MCU: variants seen among roughly 807,000 people sequenced by gnomAD.
MCU encodes the protein mitochondrial calcium uniporter.
A neutral mutation model predicts 45.2 loss-of-function variants in MCU; 12 were observed. The ratio of observed to expected loss-of-function variants is 0.27; its 90% CI spans 0.17 to 0.43. The LOEUF (loss-of-function observed/expected upper bound fraction) is 0.43. Among genes scored for constraint, MCU ranks in the 20% least tolerant of loss-of-function variants. The probability of loss-of-function intolerance (pLI) is 1.00; values close to 1 mark genes in which losing one functional copy is unlikely to be tolerated. For missense variants in MCU, 324 were observed against 436.7 expected, an observed-to-expected ratio of 0.74 and a Z score of 2.30; for synonymous variants, 160 against 165.1, an observed-to-expected ratio of 0.97 and a Z score of 0.24.
intron 1 of MCU, among the ~76,000 whole-genome samples, chr10:72,808,038 A>G (rs1484564557): frequency 6.6e-6 from 1 of 152,234 alleles, no homozygotes; most frequent in Non-Finnish European, 1.5e-5. Flanking sequence ...TGGTAAATAG[A>G]TGATTTCTTT....
intron 1 of MCU, chr10:72,712,286 A>G (rs557349560): frequency 6.6e-6 from 1 of 152,332 alleles, no homozygotes; most frequent in East Asian, 1.9e-4. Flanking sequence ...CTCGTTTATC[A>G]TATTCCTGGG....
At chr10:72,869,751 A>T (rs370878899) in intron 5 of MCU, among the ~76,000 whole-genome samples, 48 of 152,302 alleles carry the variant, frequency 3.2e-4, no homozygotes, top group Admixed American at 6.5e-4. Context: ...TTATATGCAG[A>T]TACTATCCCA....
intron 2 of MCU, among the ~76,000 whole-genome samples, chr10:72,846,238 T>G (rs1444488239): frequency 6.6e-6 from 1 of 152,192 alleles, no homozygotes; most frequent in African/African-American, 2.4e-5. Context: ...AGACAGGGTT[T>G]CACCATGTTG....
At chr10:72,744,032 T>C (rs563597401) in intron 1 of MCU, among the ~76,000 whole-genome samples, 17 of 151,306 alleles carry the variant, frequency 1.1e-4, no homozygotes, top group Non-Finnish European at 2.1e-4. Flanking sequence ...TATGTATGTG[T>C]ATTTATATGT....
intron 1 of MCU, among the ~76,000 whole-genome samples, chr10:72,777,916 T>G (rs1843920247): frequency 6.6e-6 from 1 of 152,070 alleles, no homozygotes; most frequent in Admixed American, 6.5e-5. Flanking sequence ...AATGGCCAAA[T>G]AGGTGTGTGA....
At chr10:72,882,561 A>G (rs1027376280) in intron 6 of MCU, among the ~76,000 whole-genome samples, 25 of 152,168 alleles carry the variant, frequency 1.6e-4, no homozygotes, top group African/African-American at 6.0e-4. Context: ...CCGGTCTCCC[A>G]TAGCGCTCCC....
intron 1 of MCU, among the ~76,000 whole-genome samples, chr10:72,831,345 A>C (rs1844875908): frequency 1.3e-5 from 2 of 152,198 alleles, no homozygotes; most frequent in Non-Finnish European, 2.9e-5. Flanking sequence ...TAAGAGAAAT[A>C]ATCTAATAAA....
At chr10:72,714,895 G>A (rs375180692) in intron 1 of MCU, among the ~76,000 whole-genome samples, 4 of 152,078 alleles carry the variant, frequency 2.6e-5, no homozygotes, top group South Asian at 2.1e-4. Flanking sequence ...AGTTTCTTAC[G>A]GTCAATCTGG....
chr10:72,875,828 C>T (rs1196982639), intron 6 of MCU, among the ~76,000 whole-genome samples: 1 of 152,226 alleles, frequency 6.6e-6, no homozygotes, highest in Admixed American at 6.5e-5. Context: ...GGCAGTAAGA[C>T]TTGCCTGTGG....
intron 1 of MCU, among the ~76,000 whole-genome samples, chr10:72,693,261 G>T (rs1197182548): frequency 1.3e-5 from 2 of 151,984 alleles, no homozygotes; most frequent in Admixed American, 1.3e-4. Context: ...GATGAATTTG[G>T]CATGGAGTTC....
At chr10:72,718,349 G>C (rs1293152319) in intron 1 of MCU, among the ~76,000 whole-genome samples, 1 of 152,148 alleles carries the variant, frequency 6.6e-6, no homozygotes, top group Non-Finnish European at 1.5e-5. Context: ...TTTCAGAAAG[G>C]ACAAGATGGA....
intron 1 of MCU, among the ~76,000 whole-genome samples, chr10:72,761,942 T>C (rs1843662452): frequency 6.6e-6 from 1 of 152,152 alleles, no homozygotes; most frequent in Non-Finnish European, 1.5e-5. Flanking sequence ...TAGGAACGTA[T>C]TTTTAGTTCT....
intron 2 of MCU, among the ~76,000 whole-genome samples, chr10:72,848,483 C>G (rs1845155918): frequency 6.6e-6 from 1 of 151,886 alleles, no homozygotes; most frequent in South Asian, 2.1e-4. Flanking sequence ...GAATCCACTC[C>G]CCCAGTAACT....
rs990556064 is a variant in MCU at position 72,792,734 on chromosome 10, G to T, written c.151-41625G>T. Among the ~76,000 whole-genome samples, 67 of 118,934 alleles carry T rather than the reference G, an allele frequency of 5.6e-4. 1 individual carries two copies. The highest frequency in any genetic ancestry group is 8.5e-4 in the Non-Finnish European group (52 of 61,094). The allele number at this position is 118,934 out of a possible 152,430, so 78.0% of individuals were successfully genotyped here. ...ACCCCCACCCACTCTCCCCAAAAGG[G>T]GCTGCTTGCTTCATCTTAAATAATG... is the stretch of plus-strand genomic sequence containing the variant. On this transcript the variant is annotated intron_variant, in intron 1 of 7. Transcript: ENST00000373053.
intron 1 of MCU, among the ~76,000 whole-genome samples, chr10:72,825,828 T>G (rs1305791760): frequency 6.6e-6 from 1 of 152,148 alleles, no homozygotes; most frequent in Non-Finnish European, 1.5e-5. Flanking sequence ...ACTTTCAGAG[T>G]TGGAAGGGCC....
intron 1 of MCU, among the ~76,000 whole-genome samples, chr10:72,748,052 CT>C (rs537441082): frequency 9.9e-4 from 143 of 144,688 alleles, no homozygotes; most frequent in Middle Eastern, 7.0e-3. Flanking sequence ...CGACAACCAT[CT>C]TTTTTTTTTT....
intron 1 of MCU, among the ~76,000 whole-genome samples, chr10:72,795,789 A>G (rs1176425340): frequency 6.6e-6 from 1 of 151,994 alleles, no homozygotes; most frequent in Non-Finnish European, 1.5e-5. Context: ...CACGAGTTCA[A>G]GAGTTCAAGA....
intron 2 of MCU, among the ~76,000 whole-genome samples, chr10:72,838,696 A>G (rs1292681119): frequency 6.6e-6 from 1 of 152,218 alleles, no homozygotes; most frequent in Non-Finnish European, 1.5e-5. Flanking sequence ...TCTTGTACTT[A>G]ACAAAAGATA....
At chr10:72,825,918 G>A (rs1844791168) in intron 1 of MCU, among the ~76,000 whole-genome samples, 1 of 152,176 alleles carries the variant, frequency 6.6e-6, no homozygotes. Flanking sequence ...GATGAGACTA[G>A]AATCTAGCCT....
Sources: gnomAD v4.1 joint callset for allele counts (sites outside exome capture counted in the v4.1 genomes callset) on GRCh38, gnomAD v4.1.1 for gene constraint, MANE v1.5 for transcripts, NCBI Gene and HGNC (gene_info 2026-07-23, HGNC 2026-07-21) for gene names.